Variants in CYSTM1 observed in about 807,000 individuals in gnomAD.
CYSTM1 encodes the protein cysteine rich transmembrane module containing 1.
A neutral mutation model predicts 13.1 loss-of-function variants in CYSTM1; 4 were observed. The observed-to-expected ratio is 0.31, with a 90% CI of 0.15 to 0.70. The LOEUF (loss-of-function observed/expected upper bound fraction) is 0.70. Ranked by LOEUF, CYSTM1 falls within the 30% of genes least tolerant of loss-of-function variation. CYSTM1 has a pLI of 0.72. For missense variants in CYSTM1, 96 were observed against 121.6 expected, an observed-to-expected ratio of 0.79 and a Z score of 0.99; for synonymous variants, 36 against 42.7, an observed-to-expected ratio of 0.84 and a Z score of 0.62.
intron 1 of CYSTM1, among the ~76,000 whole-genome samples, chr5:140,189,375 T>C (rs1201587940): frequency 2.0e-5 from 3 of 151,592 alleles, no homozygotes; most frequent in African/African-American, 7.3e-5. Flanking sequence ...CCCTTTGTCT[T>C]CCACCATGAT....
chr5:140,176,586 T>C (rs1431398734), intron 1 of CYSTM1, among the ~76,000 whole-genome samples: 2 of 152,146 alleles, frequency 1.3e-5, no homozygotes, highest in African/African-American at 4.8e-5. Flanking sequence ...TCCACAACAC[T>C]TTGCCCTTCA....
At position 140,219,695 on chromosome 5, in the gene CYSTM1, A is replaced by G. The variant is rs1764468432; in HGVS notation, c.188-23610A>G. ...AATCTGGTACCTTTTGAAGCCAGTT[A>G]TGGTCTGTATACCTAAGATAAAACA... On this transcript the variant is annotated intron_variant, in intron 2 of 2. Transcript: ENST00000261811. The surrounding 1 kb of genome is among the most constrained non-coding windows in gnomAD (Gnocchi z 4.1). Among the ~76,000 whole-genome samples, 1 of 152,226 alleles carries G rather than the reference A, an allele frequency of 6.6e-6. No individual in the cohort carries two copies. Among genetic ancestry groups the G allele is most frequent in the Non-Finnish European group, 1.5e-5 (1 of 68,034 alleles).
intron 1 of CYSTM1, among the ~76,000 whole-genome samples, chr5:140,189,612 GTAA>G (rs1258969516): frequency 6.6e-6 from 1 of 152,066 alleles, no homozygotes; most frequent in Admixed American, 6.5e-5. Flanking sequence ...GTTGTTTCAC[GTAA>G]TAATAGTTAT....
intron 2 of CYSTM1, among the ~76,000 whole-genome samples, chr5:140,196,299 G>A (rs1764159175): frequency 6.6e-6 from 1 of 152,140 alleles, no homozygotes; most frequent in Non-Finnish European, 1.5e-5. Context: ...TGCCTTTTCT[G>A]AGCTGACTCA....
intron 1 of CYSTM1, among the ~76,000 whole-genome samples, chr5:140,184,075 AT>A (rs908687943): frequency 5.7e-5 from 7 of 122,056 alleles, no homozygotes; most frequent in African/African-American, 2.4e-4. Flanking sequence ...AATATAACAT[AT>A]GTATAAAAAA....
In CYSTM1 at chr5:140,199,823, C is replaced by T. The variant is rs183256513; in HGVS notation, c.187+5171C>T. 2.7e-4 allele frequency among the ~76,000 whole-genome samples: 41 copies of T among 152,230 alleles called. 1 individual carries two copies. Among genetic ancestry groups the T allele is most frequent in the Admixed American group, 1.7e-3 (26 of 15,284 alleles). On this transcript the variant is annotated intron_variant, in intron 2 of 2. Coordinates refer to ENST00000261811, the MANE Select transcript of CYSTM1 (RefSeq NM_032412.4). ...TTTTAATGATCACCATTCTAACTGGCGTGAGATGGTATCTCATTGTGGTTT... is the reference window on the plus strand; with the variant it reads ...TTTTAATGATCACCATTCTAACTGGTGTGAGATGGTATCTCATTGTGGTTT...
chr5:140,194,906 T>C (rs1159147624), intron 2 of CYSTM1, among the ~76,000 whole-genome samples: 1 of 152,218 alleles, frequency 6.6e-6, no homozygotes, highest in African/African-American at 2.4e-5. Flanking sequence ...AGGGCTACCC[T>C]CTAGAGCACT....
rs1407938679 is a variant in CYSTM1 at position 140,239,204 on chromosome 5, G to A, written c.188-4101G>A. ...TTTACAAAGTCCCAGCCATGCAGAT[G>A]AAGGTTTCAGATGCCAGAATGGGGC... On this transcript the variant is annotated intron_variant, in intron 2 of 2. Transcript: ENST00000261811. This position sits in a 1 kb window ranked among gnomAD's most constrained non-coding sequence, Gnocchi z 5.4. Among the ~76,000 whole-genome samples the A allele has an allele frequency of 6.6e-6, 1 of 152,324 alleles. No individual in the cohort carries two copies. The highest frequency in any genetic ancestry group is 2.1e-4 in the South Asian group (1 of 4,828).
intron 2 of CYSTM1, among the ~76,000 whole-genome samples, chr5:140,237,201 T>C (rs1455641087): frequency 6.6e-6 from 1 of 152,222 alleles, no homozygotes; most frequent in East Asian, 1.9e-4. Context: ...TCTGAGGCGA[T>C]GGGCCCTGAC....
At position 140,219,405 on chromosome 5, in the gene CYSTM1, G is replaced by A. The variant is rs1001480001; in HGVS notation, c.188-23900G>A. On this transcript the variant is annotated intron_variant, in intron 2 of 2. Coordinates refer to ENST00000261811, the MANE Select transcript of CYSTM1 (RefSeq NM_032412.4). The surrounding 1 kb of genome is among the most constrained non-coding windows in gnomAD (Gnocchi z 4.1). ...TGAAATCGTGGGCAGTGTGCTGCAGGTAGTAGAGGGGAGGGGTGGGAGACA... is the reference window on the plus strand; with the variant it reads ...TGAAATCGTGGGCAGTGTGCTGCAGATAGTAGAGGGGAGGGGTGGGAGACA... Among the ~76,000 whole-genome samples the A allele has an allele frequency of 2.6e-5, 4 of 152,122 alleles. No individual in the cohort carries two copies. Among genetic ancestry groups the A allele is most frequent in the African/African-American group, 9.7e-5 (4 of 41,424 alleles).
chr5:140,212,595 C>T (rs1007515913), intron 2 of CYSTM1, among the ~76,000 whole-genome samples: 8 of 152,084 alleles, frequency 5.3e-5, no homozygotes, highest in African/African-American at 1.9e-4. Context: ...GTGCATGCCA[C>T]CACACTCAGC....
intron 1 of CYSTM1, among the ~76,000 whole-genome samples, chr5:140,190,436 T>C (rs1764081303): frequency 1.3e-5 from 2 of 152,154 alleles, no homozygotes; most frequent in African/African-American, 2.4e-5. Flanking sequence ...GGCTTTACTG[T>C]GGAGTGACTG....
chr5:140,186,385 A>G (rs1018707661), intron 1 of CYSTM1, among the ~76,000 whole-genome samples: 4 of 152,246 alleles, frequency 2.6e-5, no homozygotes, highest in Non-Finnish European at 4.4e-5. Context: ...TTCAGCCATT[A>G]GAACCTAGTC....
chr5:140,200,994 T>C (rs896673390), intron 2 of CYSTM1: 7 of 152,270 alleles, frequency 4.6e-5, no homozygotes, highest in Admixed American at 2.0e-4. Context: ...GGTTCATCTA[T>C]GTTGTAGCAT....
At chr5:140,240,793 G>A (rs1306427740) in intron 2 of CYSTM1, among the ~76,000 whole-genome samples, 1 of 152,080 alleles carries the variant, frequency 6.6e-6, no homozygotes, top group Non-Finnish European at 1.5e-5. Flanking sequence ...TTTCTCCTGC[G>A]CTAGTCATCC....
intron 2 of CYSTM1, among the ~76,000 whole-genome samples, chr5:140,205,139 A>T (rs1307911279): frequency 6.6e-6 from 1 of 152,158 alleles, no homozygotes; most frequent in East Asian, 1.9e-4. Flanking sequence ...TTGTGATTTG[A>T]AGACATGAAA....
chr5:140,243,318 A>C lies in CYSTM1; in HGVS notation c.201A>C (p.Glu67Asp). 6.2e-7 allele frequency: 1 copy of C among 1,614,020 alleles called. No individual in the cohort carries two copies. Among genetic ancestry groups the C allele is most frequent in the South Asian group, 1.1e-5 (1 of 91,074 alleles). The change falls in exon 3 of 3, where the codon GAA becomes GAC. Residue 67 changes from glutamate to aspartate, a missense_variant. Transcript: ENST00000261811. The part of the protein sequence containing the change: ...EPPKTTVYVV[E>D]DQRRDELGPS... The stretch of plus-strand genomic sequence containing the variant: ...TTCTCCCTCCAGTGTATGTGGTAGA[A>C]GACCAAAGAAGAGATGAGCTAGGAC...
intron 2 of CYSTM1, among the ~76,000 whole-genome samples, chr5:140,218,458 G>A (rs1356487370): frequency 2.0e-5 from 3 of 152,204 alleles, no homozygotes; most frequent in Admixed American, 6.5e-5. Flanking sequence ...ACTGGCCTAT[G>A]TGGATTAACT....
chr5:140,236,942 C>G (rs547964163), intron 2 of CYSTM1, among the ~76,000 whole-genome samples: 1 of 152,368 alleles, frequency 6.6e-6, no homozygotes, highest in Non-Finnish European at 1.5e-5. Context: ...ACTTCTGGAT[C>G]TCCAGCCACT....
Sources: allele counts gnomAD v4.1 joint callset (sites outside exome capture counted in the v4.1 genomes callset), GRCh38; gene constraint gnomAD v4.1.1; non-coding constraint Gnocchi (gnomAD v3.1); transcripts MANE v1.5; gene names NCBI Gene and HGNC (gene_info 2026-07-23, HGNC 2026-07-21).